Variants in RHOG observed in about 807,000 individuals in gnomAD.
RHOG encodes rho-related GTP-binding protein RhoG.
In RHOG, 1 loss-of-function variant was observed where a neutral mutation model predicts 12.3. The ratio of observed to expected loss-of-function variants is 0.08; its 90% CI spans 0.03 to 0.39. RHOG has a LOEUF of 0.39. RHOG is among the 10% of genes least tolerant of loss of function. RHOG has a pLI of 0.99. For missense variants in RHOG, 114 were observed against 266.2 expected, an observed-to-expected ratio of 0.43 and a Z score of 3.98; for synonymous variants, 129 against 116.0, an observed-to-expected ratio of 1.11 and a Z score of -0.72.
In RHOG at chr11:3,827,607, T is replaced by G; in HGVS notation, c.532A>C (p.Asn178His). Residue 178 changes from asparagine (N) to histidine (H), a missense_variant, in exon 2 of 2, where the codon AAC becomes CAC. Physicochemically the swap from Asn to His is moderately conservative, Grantham distance 68 (BLOSUM62 1). Transcript: ENST00000351018. This position sits in a 1 kb window ranked among gnomAD's most constrained non-coding sequence, Gnocchi z 7.3. ...CGCCCACGCTTGATCGGCGTGGGGT[T>G]GAGCACAGCCCGGACAGCCTCGGCG... ...VFAEAVRAVLNPTPIKRGRSC... is the reference protein window; with the variant it reads ...VFAEAVRAVLHPTPIKRGRSC... The G allele has an allele frequency of 1.9e-6, 3 of 1,611,872 alleles. No homozygotes were observed. The highest frequency in any genetic ancestry group is 1.7e-6 in the Non-Finnish European group (2 of 1,180,016).
chr11:3,835,452 C>T (rs2090150887), intron 1 of RHOG, among the ~76,000 whole-genome samples: 3 of 152,128 alleles, frequency 2.0e-5, no homozygotes, highest in South Asian at 2.1e-4. Context: ...GTAGTCTGAC[C>T]TTCTGTTTAT....
rs57344316 is a variant in RHOG, at chr11:3,836,902, C to CAAAAAAAAAAAAAAAAAAAAAAAAAAA, written c.-69+3965_-69+3991dup. Among the ~76,000 whole-genome samples, 3 of 29,252 alleles carry CAAAAAAAAAAAAAAAAAAAAAAAAAAA rather than the reference C, an allele frequency of 1.0e-4. 1 individual carries two copies. Among genetic ancestry groups the CAAAAAAAAAAAAAAAAAAAAAAAAAAA allele is most frequent in the African/African-American group, 5.7e-4 (3 of 5,228 alleles). 19.2% of individuals were successfully genotyped at this position (29,252 alleles called of 152,430 possible). ...TGGGTGACAGAGCAAGACTCCATCT[C>CAAAAAAAAAAAAAAAAAAAAAAAAAAA]AAAAAAAAAAAAAAAAAAAAAAAAA... On this transcript the variant is annotated intron_variant, in intron 1 of 1. Coordinates refer to ENST00000351018, the MANE Select transcript of RHOG (RefSeq NM_001665.4).
rs537063172 is a variant in RHOG, at chr11:3,827,899, G to A, written c.240C>T (p.Ile80=). 2.5e-6 allele frequency: 4 copies of A among 1,614,250 alleles called. No homozygotes were observed. The African/African-American group carries it at 4.0e-5, about 16-fold the overall frequency. The change falls in exon 2 of 2, where the codon ATC becomes ATT. Residue 80 remains isoleucine, a synonymous_variant. Coordinates refer to ENST00000351018, the MANE Select transcript of RHOG (RefSeq NM_001665.4). The surrounding 1 kb of genome is among the most constrained non-coding windows in gnomAD (Gnocchi z 7.3). ...LSYPQTNVFV[I]CFSIASPPSY... is the part of the protein sequence containing the mutation. Reference sequence around the variant, plus strand: ...ACGGCGGACTGGCAATGGAGAAACAGATGACGAAAACGTTGGTCTGAGGGT... The same window carrying A: ...ACGGCGGACTGGCAATGGAGAAACAAATGACGAAAACGTTGGTCTGAGGGT...
At chr11:3,832,207 T>A (rs2090133855) in intron 1 of RHOG, among the ~76,000 whole-genome samples, 2 of 152,256 alleles carry the variant, frequency 1.3e-5, no homozygotes, top group South Asian at 2.1e-4. Context: ...CATGTTATTA[T>A]GTCATTTGAC....
intron 1 of RHOG, among the ~76,000 whole-genome samples, chr11:3,835,670 A>C (rs913361243): frequency 6.6e-6 from 1 of 152,214 alleles, no homozygotes; most frequent in Non-Finnish European, 1.5e-5. Flanking sequence ...CTTGTCTTCA[A>C]CTGGAAGGGT....
intron 1 of RHOG, among the ~76,000 whole-genome samples, chr11:3,835,713 T>C (rs1043649202): frequency 3.9e-5 from 6 of 151,984 alleles, no homozygotes; most frequent in Non-Finnish European, 8.8e-5. Flanking sequence ...AGCTCAGAGA[T>C]GATGAGGAAG....
chr11:3,836,214 G>A (rs926119487), intron 1 of RHOG, among the ~76,000 whole-genome samples: 1 of 151,548 alleles, frequency 6.6e-6, no homozygotes, highest in East Asian at 1.9e-4. Context: ...TTAGCTGGGC[G>A]TAGTGGTGGG....
At chr11:3,829,865 C>T (rs890698823) in intron 1 of RHOG, among the ~76,000 whole-genome samples, 1 of 151,844 alleles carries the variant, frequency 6.6e-6, no homozygotes, top group Non-Finnish European at 1.5e-5. Flanking sequence ...TCCTGCCTCA[C>T]CCTCCCGAGT....
At position 3,829,248 on chromosome 11, in the gene RHOG, A is replaced by AT. The variant is rs141026499; in HGVS notation, c.-68-1043_-68-1042insA. Among the ~76,000 whole-genome samples, 307 of 95,198 alleles carry AT rather than the reference A, an allele frequency of 3.2e-3. 3 individuals are homozygous for AT. Among genetic ancestry groups the AT allele is most frequent in the Middle Eastern group, 7.0e-3 (1 of 142 alleles). 62.5% of individuals were successfully genotyped at this position (95,198 alleles called of 152,430 possible). A position where few individuals can be genotyped will look rare whatever the true frequency, so the allele number is the denominator to read the frequency against. On this transcript the variant is annotated intron_variant, in intron 1 of 1. Transcript: ENST00000351018. Reference sequence around the variant, plus strand: ...ATCCAGGGTATTCTGGCAATGGGGAAATTTTTTTTTTTTTTTTTTTTTGAG... The same window carrying AT: ...ATCCAGGGTATTCTGGCAATGGGGAATATTTTTTTTTTTTTTTTTTTTTGAG...
intron 1 of RHOG, among the ~76,000 whole-genome samples, chr11:3,836,052 T>TAAA (rs58765611): frequency 5.6e-5 from 8 of 142,536 alleles, no homozygotes; most frequent in African/African-American, 1.8e-4. Context: ...TTCCTAGCCT[T>TAAA]AAAAAAAAAA....
At chr11:3,828,904 G>A (rs561894644) in intron 1 of RHOG, among the ~76,000 whole-genome samples, 89 of 151,606 alleles carry the variant, frequency 5.9e-4, no homozygotes, top group Middle Eastern at 3.4e-3. Flanking sequence ...ACAGGCGTGA[G>A]CCACTGCGCC....
At chr11:3,829,571 A>G (rs1003269861) in intron 1 of RHOG, among the ~76,000 whole-genome samples, 1 of 151,664 alleles carries the variant, frequency 6.6e-6, no homozygotes. Context: ...TCTTGTAAGT[A>G]CTGAAAACCC....
intron 1 of RHOG, among the ~76,000 whole-genome samples, chr11:3,837,645 C>A (rs1013186056): frequency 6.6e-6 from 1 of 152,152 alleles, no homozygotes; most frequent in Non-Finnish European, 1.5e-5. Context: ...GACAAGGATC[C>A]GGATCTTCTA....
At position 3,833,195 on chromosome 11, in the gene RHOG, C is replaced by G. The variant is rs569681006; in HGVS notation, c.-68-4989G>C. On this transcript the variant is annotated intron_variant, in intron 1 of 1. Transcript: ENST00000351018. ...ACAGCTCACTGTAGTCTCAACCTCC[C>G]AGGCTCAAGGCATCCTACCTCAGCC... Among the ~76,000 whole-genome samples, 28 of 152,284 alleles carry G rather than the reference C, an allele frequency of 1.8e-4. No homozygotes were observed. In the East Asian group the frequency reaches 5.4e-3, roughly 29 times the overall value.
intron 1 of RHOG, among the ~76,000 whole-genome samples, chr11:3,831,405 TGAGA>T (rs998822034): frequency 6.7e-6 from 1 of 149,854 alleles, no homozygotes; most frequent in Non-Finnish European, 1.5e-5. Context: ...TTTGCATGAA[TGAGA>T]GAGAGTGTGT....
intron 1 of RHOG, among the ~76,000 whole-genome samples, chr11:3,836,135 T>C (rs1035355189): frequency 2.2e-4 from 34 of 151,524 alleles, no homozygotes; most frequent in Admixed American, 6.6e-4. Flanking sequence ...GGCAGACCAC[T>C]TGAGATCAGG....
chr11:3,829,892 G>A (rs765126362), intron 1 of RHOG, among the ~76,000 whole-genome samples: 7 of 152,056 alleles, frequency 4.6e-5, no homozygotes, highest in East Asian at 3.8e-4. Flanking sequence ...GATTACAGGC[G>A]CATGCCACCA....
intron 1 of RHOG, among the ~76,000 whole-genome samples, chr11:3,838,428 T>C (rs976637028): frequency 1.1e-4 from 16 of 152,112 alleles, no homozygotes; most frequent in Non-Finnish European, 2.2e-4. Context: ...TAACTACTGG[T>C]TTGCCAGCCT....
At chr11:3,832,636 T>C (rs962697980) in intron 1 of RHOG, among the ~76,000 whole-genome samples, 1 of 152,170 alleles carries the variant, frequency 6.6e-6, no homozygotes, top group African/African-American at 2.4e-5. Context: ...GTATCTGTGG[T>C]AGGGGATCAG....
Sources: allele counts gnomAD v4.1 joint callset (sites outside exome capture counted in the v4.1 genomes callset), GRCh38; gene constraint gnomAD v4.1.1; non-coding constraint Gnocchi (gnomAD v3.1); transcripts MANE v1.5; gene names NCBI Gene and HGNC (gene_info 2026-07-23, HGNC 2026-07-21).